Variants in SALL2 observed in about 807,000 individuals in gnomAD.
SALL2 encodes spalt like transcription factor 2, also known as sal-like protein 2.
Under a neutral mutation model 58.5 loss-of-function variants are expected in SALL2, and 32 were observed. That is an observed-to-expected ratio of 0.55 (90% CI 0.41 to 0.74). SALL2 has a LOEUF of 0.74. Ranked by LOEUF, SALL2 falls within the 30% of genes least tolerant of loss-of-function variation. The pLI is 0.00. For missense variants in SALL2, 1,201 were observed against 1,268.9 expected (o/e 0.95, Z 0.81); for synonymous variants, 516 against 513.6 (o/e 1.00, Z -0.06).
At position 21,523,708 on chromosome 14, in the gene SALL2, G is replaced by A; in HGVS notation, c.2014C>T (p.Leu672=). 1 of 1,614,232 alleles carries A rather than the reference G, an allele frequency of 6.2e-7. No homozygotes were observed. Among genetic ancestry groups the A allele is most frequent in the African/African-American group, 1.3e-5 (1 of 75,064 alleles). The change falls in exon 2 of 2, where the codon CTG becomes TTG. Residue 672 remains leucine, a synonymous_variant. Transcript: ENST00000537235. This position sits in a 1 kb window ranked among gnomAD's most constrained non-coding sequence, Gnocchi z 4.4. ...TTGTGGCCCACGAAATGTGCACGCA[G>A]ATTACCCCTGGTGGAGAAGGCTCTG... ...CGRAFSTRGN[L]RAHFVGHKAS...
In SALL2 at chr14:21,521,836, G is replaced by T; in HGVS notation, c.*868C>A. On this transcript the variant is annotated 3_prime_UTR_variant, in exon 2 of 2. Coordinates refer to ENST00000537235, the MANE Select transcript of SALL2 (RefSeq NM_001364564.1). ...GAAGCTGGAGAGGTCTTGGCACACT[G>T]ACCAGCCAAAACCTTTACCTTAATG... 1.4e-6 allele frequency: 1 copy of T among 714,274 alleles called. No homozygotes were observed. The highest frequency in any genetic ancestry group is 2.2e-6 in the Non-Finnish European group (1 of 452,344). The allele number at this position is 714,274 out of a possible 1,614,324, so 44.2% of individuals were successfully genotyped here.
In SALL2 at chr14:21,521,849, C is replaced by A; in HGVS notation, c.*855G>T. 1 of 840,636 alleles carries A rather than the reference C, an allele frequency of 1.2e-6. No homozygotes were observed. The highest frequency in any genetic ancestry group is 1.8e-6 in the Non-Finnish European group (1 of 561,172). The allele number at this position is 840,636 out of a possible 1,614,324, so 52.1% of individuals were successfully genotyped here. A position where few individuals can be genotyped will look rare whatever the true frequency, so the allele number is the denominator to read the frequency against. On this transcript the variant is annotated 3_prime_UTR_variant, in exon 2 of 2. Transcript: ENST00000537235. ...TCTTGGCACACTGACCAGCCAAAACCTTTACCTTAATGTGACCATCAGGGG... is the reference window on the plus strand; with the variant it reads ...TCTTGGCACACTGACCAGCCAAAACATTTACCTTAATGTGACCATCAGGGG...
At position 21,522,088 on chromosome 14, in the gene SALL2, T is replaced by TG. The variant is rs1892056159; in HGVS notation, c.*615dup. 6.3e-7 allele frequency: 1 copy of TG among 1,597,796 alleles called. No homozygotes were observed. The highest frequency in any genetic ancestry group is 1.1e-5 in the South Asian group (1 of 90,852). On this transcript the variant is annotated 3_prime_UTR_variant, in exon 2 of 2. Coordinates refer to ENST00000537235, the MANE Select transcript of SALL2 (RefSeq NM_001364564.1). ...AATAGGAGGGGGGCTGTCTTCTCCT[T>TG]GGCTTCCCTGGATCCCATTGTTGGA...
chr14:21,534,690 G>A (rs1892547467), intron 1 of SALL2, among the ~76,000 whole-genome samples: 1 of 152,088 alleles, frequency 6.6e-6, no homozygotes. Context: ...CAAACCAGCA[G>A]GAGAGCAGAA....
At position 21,522,594 on chromosome 14, in the gene SALL2, T is replaced by C; in HGVS notation, c.*110A>G. The stretch of plus-strand genomic sequence containing the variant: ...GAAAAGCCACTAGGGACATAACATG[T>C]TAAGAACTTAGAGAAAAAGACAAAA... On this transcript the variant is annotated 3_prime_UTR_variant, in exon 2 of 2. Transcript: ENST00000537235. The C allele has an allele frequency of 6.9e-7, 1 of 1,451,526 alleles. No individual in the cohort carries two copies. The allele number at this position is 1,451,526 out of a possible 1,614,324, so 89.9% of individuals were successfully genotyped here.
At chr14:21,533,282 C>A (rs1219401923) in intron 1 of SALL2, among the ~76,000 whole-genome samples, 1 of 152,066 alleles carries the variant, frequency 6.6e-6, no homozygotes, top group Non-Finnish European at 1.5e-5. Context: ...CTGGGAATAC[C>A]TAGGTTGAGT....
upstream of SALL2, chr14:21,526,514 G>T (rs1594465283): frequency 8.6e-7 from 1 of 1,166,080 alleles, no homozygotes; most frequent in East Asian, 5.7e-5. Flanking sequence ...GCACTGCGGG[G>T]GTCCACCTTT....
chr14:21,536,842 C>A (rs754021925), intron 1 of SALL2: 1 of 1,613,818 alleles, frequency 6.2e-7, no homozygotes, highest in South Asian at 1.1e-5. Context: ...CCTCCCCAGG[C>A]ACCCACCGTT....
At chr14:21,530,809 C>T (rs188563214), upstream of SALL2, among the ~76,000 whole-genome samples, 63 of 152,192 alleles carry the variant, frequency 4.1e-4, no homozygotes, top group Admixed American at 4.1e-3. Flanking sequence ...GATGAGGTTT[C>T]ACTATGTTGC....
chr14:21,522,965 G>A lies in SALL2; in HGVS notation c.2757C>T (p.Pro919=). ...KACEVCGQAF[P]SQAALEEHQK... ...GATGCTCCTCCAGAGCTGCCTGGGA[G>A]GGAAAGGCCTGGCCACACACTTCGC... Residue 919 remains proline (P), a synonymous_variant, in exon 2 of 2, where the codon CCC becomes CCT. Coordinates refer to ENST00000537235, the MANE Select transcript of SALL2 (RefSeq NM_001364564.1). 1 of 1,614,086 alleles carries A rather than the reference G, an allele frequency of 6.2e-7. No homozygotes were observed. The highest frequency in any genetic ancestry group is 8.5e-7 in the Non-Finnish European group (1 of 1,180,004).
chr14:21,535,367 AAAAAGAAAAG>A (rs141987411), intron 1 of SALL2, among the ~76,000 whole-genome samples: 2 of 150,922 alleles, frequency 1.3e-5, no homozygotes, highest in African/African-American at 2.4e-5. Context: ...AGAAAAAAAG[AAAAAGAAAAG>A]AAAAGAAAAA....
chr14:21,525,670 GGAGA>G lies in SALL2; in HGVS notation c.68-20_68-17del, dbSNP rs1224693026. Reference sequence around the variant, plus strand: ...CTAGCATCACCTGGGGAGAAGACAAGGAGAGAGAGCGTGGGTGGCGCAGTTGGGT... The same window carrying G: ...CTAGCATCACCTGGGGAGAAGACAAGGAGAGCGTGGGTGGCGCAGTTGGGT... On this transcript the variant is annotated splice_polypyrimidine_tract_variant and intron_variant, in intron 1 of 1. Coordinates refer to ENST00000537235, the MANE Select transcript of SALL2 (RefSeq NM_001364564.1). The surrounding 1 kb of genome is among the most constrained non-coding windows in gnomAD (Gnocchi z 4.4). 5.8e-6 allele frequency: 9 copies of G among 1,550,690 alleles called. No homozygotes were observed. The African/African-American group carries it at 1.2e-4, about 21-fold the overall frequency.
At chr14:21,530,216 G>A (rs10467771), upstream of SALL2, among the ~76,000 whole-genome samples, 5,089 of 150,850 alleles carry the variant, frequency 0.034, 304 homozygotes, top group African/African-American at 0.12. Context: ...CCAGGTATGG[G>A]TATCTTGAAG....
intron 1 of SALL2, among the ~76,000 whole-genome samples, chr14:21,532,904 A>G (rs1892503299): frequency 6.6e-6 from 1 of 151,774 alleles, no homozygotes; most frequent in Non-Finnish European, 1.5e-5. Flanking sequence ...CGGAGCTCGC[A>G]GTGAGCCAAG....
At chr14:21,533,342 A>G (rs1892512937) in intron 1 of SALL2, among the ~76,000 whole-genome samples, 1 of 152,302 alleles carries the variant, frequency 6.6e-6, no homozygotes, top group Middle Eastern at 3.4e-3. Flanking sequence ...TTCCAAATGT[A>G]AACAGAGCCC....
Position 21,525,716 on chromosome 14 carries a change from C to G in SALL2, c.68-62G>C. The G allele has an allele frequency of 1.3e-6, 2 of 1,506,664 alleles. No homozygotes were observed. The highest frequency in any genetic ancestry group is 8.9e-7 in the Non-Finnish European group (1 of 1,127,692). 93.3% of individuals were successfully genotyped at this position (1,506,664 alleles called of 1,614,324 possible). On this transcript the variant is annotated intron_variant, in intron 1 of 1. Coordinates refer to ENST00000537235, the MANE Select transcript of SALL2 (RefSeq NM_001364564.1). The surrounding 1 kb of genome is among the most constrained non-coding windows in gnomAD (Gnocchi z 4.4). ...CAGTTGGGTTGGGTATACCGAGGCTCTAATTAACAAGGAGGCCAGTAACCG... is the reference window on the plus strand; with the variant it reads ...CAGTTGGGTTGGGTATACCGAGGCTGTAATTAACAAGGAGGCCAGTAACCG...
In SALL2 at chr14:21,524,340, T is replaced by A. The variant is rs777598665; in HGVS notation, c.1382A>T (p.Glu461Val). The A allele has an allele frequency of 2.5e-6, 4 of 1,613,980 alleles. No homozygotes were observed. In the Admixed American group the frequency reaches 6.7e-5, roughly 27 times the overall value. ...CCCTCCACCTGGAGTGGCTGCCTCC[T>A]CCTCGGCCTTCTCTGGTGGCACGGA... The part of the protein sequence containing the change: ...GMSVPPEKAE[E>V]EAATPGGGVE... Residue 461 changes from glutamate (E) to valine (V), a missense_variant, in exon 2 of 2, where the codon GAG becomes GTG. Transcript: ENST00000537235.
In SALL2 at chr14:21,526,119, G is replaced by C. The variant is rs1331091893; in HGVS notation, c.9C>G (p.His3Gln). Residue 3 changes from histidine to glutamine, a missense_variant, in exon 1 of 2, where the codon CAC (histidine) becomes CAG (glutamine). By Grantham distance (24) the His-to-Gln change is conservative. Transcript: ENST00000537235. MAHESERSSRLGV... is the reference protein window; with the variant it reads MAQESERSSRLGV... ...CGAGACGAGAGCTCCTCTCGGATTCGTGCGCCATGGTTGTGGGGGAAGTGG... is the reference window on the plus strand; with the variant it reads ...CGAGACGAGAGCTCCTCTCGGATTCCTGCGCCATGGTTGTGGGGGAAGTGG... The C allele has an allele frequency of 9.1e-6, 14 of 1,540,712 alleles. No individual in the cohort carries two copies. Among genetic ancestry groups the C allele is most frequent in the Non-Finnish European group, 1.2e-5 (14 of 1,149,646 alleles).
chr14:21,533,780 C>T (rs185394281), intron 1 of SALL2, among the ~76,000 whole-genome samples: 1 of 152,138 alleles, frequency 6.6e-6, no homozygotes, highest in Admixed American at 6.5e-5. Flanking sequence ...AGAATTTTGG[C>T]TTTTAAAATA....
Sources: gnomAD v4.1 joint callset for allele counts (sites outside exome capture counted in the v4.1 genomes callset) on GRCh38, gnomAD v4.1.1 for gene constraint, Gnocchi (gnomAD v3.1) non-coding constraint, MANE v1.5 for transcripts, NCBI Gene and HGNC (gene_info 2026-07-23, HGNC 2026-07-21) for gene names.